The following CHIA variants were observed in gnomAD, a reference collection of about 807,000 sequenced individuals.
The protein encoded by CHIA is chitinase acidic.
A neutral mutation model predicts 53.5 loss-of-function variants in CHIA; 47 were observed. The observed-to-expected ratio is 0.88, with a 90% CI of 0.70 to 1.12. The LOEUF (loss-of-function observed/expected upper bound fraction) is 1.12. CHIA is among the 50% of genes most tolerant of loss of function. The pLI is 0.00. For missense variants in CHIA, 652 were observed against 592.2 expected (o/e 1.10, Z -1.05); for synonymous variants, 268 against 222.2 (o/e 1.21, Z -1.83).
intron 1 of CHIA, among the ~76,000 whole-genome samples, chr1:111,304,500 C>T (rs774939927): frequency 6.6e-6 from 1 of 152,154 alleles, no homozygotes; most frequent in Non-Finnish European, 1.5e-5. Flanking sequence ...AATTCTTTCT[C>T]CTGTCAGTGC....
At chr1:111,316,678 G>C (rs7530251) in intron 6 of CHIA, 74,682 of 151,882 alleles carry the variant, frequency 0.49, 19,305 homozygotes, top group Middle Eastern at 0.61. Context: ...TGCCCAGTAG[G>C]CATCAGATAA....
chr1:111,293,826 C>A (rs1661176898), intron 1 of CHIA, among the ~76,000 whole-genome samples: 1 of 152,188 alleles, frequency 6.6e-6, no homozygotes, highest in Non-Finnish European at 1.5e-5. Context: ...ATGCTTATAA[C>A]TCCAGTGCTT....
chr1:111,298,291 A>G (rs1173259473), intron 1 of CHIA, among the ~76,000 whole-genome samples: 1 of 152,238 alleles, frequency 6.6e-6, no homozygotes, highest in Non-Finnish European at 1.5e-5. Flanking sequence ...CAGAATATAC[A>G]TTCTTCTCAG....
intron 1 of CHIA, among the ~76,000 whole-genome samples, chr1:111,293,467 T>C (rs1249531526): frequency 6.6e-6 from 1 of 151,994 alleles, no homozygotes; most frequent in Non-Finnish European, 1.5e-5. Context: ...ATTTTAGAAG[T>C]TCTCTCTATA....
At chr1:111,301,280 CAT>C (rs1237735051) in intron 1 of CHIA, among the ~76,000 whole-genome samples, 3 of 152,146 alleles carry the variant, frequency 2.0e-5, no homozygotes, top group Admixed American at 6.5e-5. Flanking sequence ...TACATGCACA[CAT>C]ATGTTTATTG....
In CHIA at chr1:111,302,498, A is replaced by G. The variant is rs144275107; in HGVS notation, c.-68-7902A>G. Reference sequence around the variant, plus strand: ...GTATTTTTAAATTTCCCTTATGACTACTTCTTTAATCTATTATTAAGAGTG... The same window carrying G: ...GTATTTTTAAATTTCCCTTATGACTGCTTCTTTAATCTATTATTAAGAGTG... On this transcript the variant is annotated intron_variant, in intron 1 of 11. Coordinates refer to ENST00000369740, the MANE Select transcript of CHIA (RefSeq NM_201653.4). Among the ~76,000 whole-genome samples the G allele has an allele frequency of 8.9e-4, 136 of 152,268 alleles. 2 individuals are homozygous for G. In the East Asian group the frequency reaches 0.022, roughly 25 times the overall value.
intron 1 of CHIA, among the ~76,000 whole-genome samples, chr1:111,301,747 A>C: frequency 6.6e-6 from 1 of 150,912 alleles, no homozygotes; most frequent in South Asian, 2.1e-4. Flanking sequence ...TGTCCTTTGC[A>C]GGGACATGGA....
chr1:111,301,030 A>G (rs1220840288), intron 1 of CHIA, among the ~76,000 whole-genome samples: 1 of 152,244 alleles, frequency 6.6e-6, no homozygotes, highest in East Asian at 1.9e-4. Flanking sequence ...ACACACTGAG[A>G]TACTATCTCA....
rs1648769850 is a variant in CHIA at position 111,312,477 on chromosome 1, A to G, written c.257+86A>G. 6 of 1,128,588 alleles carry G rather than the reference A, an allele frequency of 5.3e-6. No individual in the cohort carries two copies. The Admixed American group carries it at 5.5e-5, about 10-fold the overall frequency. 69.9% of individuals were successfully genotyped at this position (1,128,588 alleles called of 1,614,324 possible). A position where few individuals can be genotyped will look rare whatever the true frequency, so the allele number is the denominator to read the frequency against. On this transcript the variant is annotated intron_variant, in intron 4 of 11. Coordinates refer to ENST00000369740, the MANE Select transcript of CHIA (RefSeq NM_201653.4). ...GCTTCTTAAAATGTAGTTCAGATCCATGGATCTGAGATGGGGACCAAGACT... is the reference window on the plus strand; with the variant it reads ...GCTTCTTAAAATGTAGTTCAGATCCGTGGATCTGAGATGGGGACCAAGACT...
At chr1:111,301,204 A>G (rs1346036435) in intron 1 of CHIA, among the ~76,000 whole-genome samples, 3 of 152,234 alleles carry the variant, frequency 2.0e-5, no homozygotes, top group Non-Finnish European at 4.4e-5. Flanking sequence ...TAGAAATACC[A>G]TTTGACCCAG....
chr1:111,314,041 C>G (rs940700604), intron 4 of CHIA, among the ~76,000 whole-genome samples: 2 of 152,174 alleles, frequency 1.3e-5, no homozygotes, highest in Non-Finnish European at 2.9e-5. Flanking sequence ...GAATTGGAAT[C>G]TCAGGGGAAG....
chr1:111,314,723 G>T (rs1649004099), intron 5 of CHIA, 127 bp downstream of exon 5: 1 of 614,740 alleles, frequency 1.6e-6, no homozygotes, highest in Non-Finnish European at 2.9e-6. Context: ...ACAAATATAT[G>T]AATTAAATAT....
intron 1 of CHIA, among the ~76,000 whole-genome samples, chr1:111,297,901 C>CAAAAAAAAAAAAAAAAAAAAAAAAA (rs1188512345): frequency 1.9e-4 from 6 of 31,854 alleles, no homozygotes; most frequent in African/African-American, 2.9e-4. Flanking sequence ...AAATGGAAAG[C>CAAAAAAAAAAAAAAAAAAAAAAAAA]AAAAAAAAAA....
At chr1:111,295,239 G>A (rs113014040) in intron 1 of CHIA, among the ~76,000 whole-genome samples, 34 of 152,136 alleles carry the variant, frequency 2.2e-4, no homozygotes, top group African/African-American at 8.0e-4. Context: ...GGAATGCAGT[G>A]GCACAATCAC....
chr1:111,315,552 A>G (rs571376295), intron 6 of CHIA, 117 bp downstream of exon 6: 2 of 1,076,040 alleles, frequency 1.9e-6, no homozygotes, highest in South Asian at 3.3e-5. Context: ...GAATATTAGC[A>G]TTGCAAAGAG....
chr1:111,312,424 C>T (rs1318176216), intron 4 of CHIA, 33 bp downstream of exon 4: 2 of 1,525,712 alleles, frequency 1.3e-6, no homozygotes, highest in Admixed American at 1.7e-5. Context: ...TTTGGCATCC[C>T]CTTTTTCAGT....
chr1:111,294,343 A>T (rs1035014577), intron 1 of CHIA, among the ~76,000 whole-genome samples: 5 of 151,744 alleles, frequency 3.3e-5, no homozygotes, highest in African/African-American at 1.2e-4. Flanking sequence ...TATTTTTATA[A>T]TTTTTCTTTT....
At chr1:111,301,578 T>A (rs2101616956) in intron 1 of CHIA, among the ~76,000 whole-genome samples, 1 of 151,890 alleles carries the variant, frequency 6.6e-6, no homozygotes, top group Non-Finnish European at 1.5e-5. Context: ...GGCAGGCACC[T>A]ATAGTCCCAG....
At chr1:111,312,520 T>C (rs1648772957) in intron 4 of CHIA, 129 bp downstream of exon 4, 2 of 751,124 alleles carry the variant, frequency 2.7e-6, no homozygotes, top group Non-Finnish European at 4.4e-6. Context: ...TCATTTTTCT[T>C]TTATAACTGA....
Sources: allele counts gnomAD v4.1 joint callset (sites outside exome capture counted in the v4.1 genomes callset), GRCh38; gene constraint gnomAD v4.1.1; transcripts MANE v1.5; gene names NCBI Gene and HGNC (gene_info 2026-07-23, HGNC 2026-07-21).